NRG1: variants seen among roughly 807,000 people sequenced by gnomAD.
NRG1 encodes the protein pro-neuregulin-1, membrane-bound isoform.
Under a neutral mutation model 63.8 loss-of-function variants are expected in NRG1, and 18 were observed. The ratio of observed to expected loss-of-function variants is 0.28; its 90% CI spans 0.19 to 0.42. The LOEUF is 0.42. Among genes scored for constraint, NRG1 ranks in the 10% least tolerant of loss-of-function variants. The probability of loss-of-function intolerance (pLI) is 1.00; values close to 1 mark genes in which losing one functional copy is unlikely to be tolerated. For synonymous variants in NRG1, 302 were observed against 301.3 expected (o/e 1.00, Z -0.02); for missense variants, 762 against 814.7 (o/e 0.94, Z 0.79).
chr8:32,521,988 G>A (rs1418697634), intron 1 of NRG1, among the ~76,000 whole-genome samples: 2 of 152,174 alleles, frequency 1.3e-5, no homozygotes, highest in Admixed American at 6.5e-5. Flanking sequence ...GATGAGTATA[G>A]TGGTTACTTG....
intron 1 of NRG1, among the ~76,000 whole-genome samples, chr8:31,874,275 TAGTC>T (rs1346205722): frequency 2.0e-5 from 3 of 152,222 alleles, no homozygotes; most frequent in African/African-American, 7.2e-5. Context: ...AGAGACTTAA[TAGTC>T]AGTTGGCAAG....
chr8:32,475,315 A>AT (rs1189955530), intron 1 of NRG1, among the ~76,000 whole-genome samples: 1 of 151,774 alleles, frequency 6.6e-6, no homozygotes, highest in Non-Finnish European at 1.5e-5. Flanking sequence ...AAATACAAAA[A>AT]TTAGCTGGGT....
At chr8:31,672,093 G>A (rs1320883271) in intron 1 of NRG1, among the ~76,000 whole-genome samples, 1 of 152,118 alleles carries the variant, frequency 6.6e-6, no homozygotes, top group African/African-American at 2.4e-5. Flanking sequence ...TCAGTTGTCA[G>A]TGTGAGAAAT....
At chr8:32,309,213 G>A (rs775459763) in intron 1 of NRG1, among the ~76,000 whole-genome samples, 18 of 152,136 alleles carry the variant, frequency 1.2e-4, no homozygotes, top group South Asian at 4.1e-4. Context: ...TTACCAGGGC[G>A]AGAAAATAGC....
At position 32,245,128 on chromosome 8, in the gene NRG1, C is replaced by A. The variant is rs371361231; in HGVS notation, c.38-350700C>A. On this transcript the variant is annotated intron_variant, in intron 1 of 10. Transcript: ENST00000519301. ...TTTGTGCAGGGAAAAGTCTGGCCTG[C>A]GTGTAATCTGCTGCAGTGGTGAGTT... 1.4e-4 allele frequency among the ~76,000 whole-genome samples: 22 copies of A among 152,190 alleles called. No homozygotes were observed. In the South Asian group the frequency reaches 1.9e-3, roughly 13 times the overall value.
chr8:32,354,557 C>A (rs1162387920), intron 1 of NRG1, among the ~76,000 whole-genome samples: 1 of 151,748 alleles, frequency 6.6e-6, no homozygotes, highest in Non-Finnish European at 1.5e-5. Flanking sequence ...TGATGGCTTA[C>A]CAGGTATCTA....
At chr8:32,673,462 T>C (rs1201958940) in intron 5 of NRG1, among the ~76,000 whole-genome samples, 1 of 152,172 alleles carries the variant, frequency 6.6e-6, no homozygotes, top group Admixed American at 6.5e-5. Flanking sequence ...AATACAGTAA[T>C]TAAAATACAG....
intron 1 of NRG1, among the ~76,000 whole-genome samples, chr8:32,124,343 C>T (rs780326099): frequency 6.6e-6 from 1 of 151,760 alleles, no homozygotes; most frequent in Non-Finnish European, 1.5e-5. Flanking sequence ...TTGATTCTCT[C>T]ATAGAAGATT....
chr8:32,366,852 A>G (rs1808126317), intron 1 of NRG1, among the ~76,000 whole-genome samples: 1 of 151,372 alleles, frequency 6.6e-6, no homozygotes, highest in African/African-American at 2.4e-5. Context: ...CTGGGACTAC[A>G]GTCATGTGCC....
intron 1 of NRG1, among the ~76,000 whole-genome samples, chr8:32,078,331 A>G (rs1479348934): frequency 2.0e-5 from 3 of 152,044 alleles, no homozygotes; most frequent in African/African-American, 7.2e-5. Flanking sequence ...TTCCTCCTTC[A>G]CCTTCCAGCA....
At chr8:31,874,441 CATGGTAGGTGTAT>C (rs1280618564) in intron 1 of NRG1, among the ~76,000 whole-genome samples, 2 of 151,996 alleles carry the variant, frequency 1.3e-5, no homozygotes, top group African/African-American at 4.8e-5. Context: ...GTTTTGGGTA[CATGGTAGGTGTAT>C]ATAGCCAAAA....
At chr8:32,313,217 C>T (rs1456120879) in intron 1 of NRG1, among the ~76,000 whole-genome samples, 1 of 152,134 alleles carries the variant, frequency 6.6e-6, no homozygotes, top group Non-Finnish European at 1.5e-5. Context: ...GACTTAAGTT[C>T]TAAGAGTTGA....
At chr8:32,258,384 G>T (rs1849979606) in intron 1 of NRG1, among the ~76,000 whole-genome samples, 1 of 152,254 alleles carries the variant, frequency 6.6e-6, no homozygotes, top group South Asian at 2.1e-4. Flanking sequence ...TTGCTTCTAA[G>T]AACTCATTTA....
chr8:32,728,336 A>G, intron 6 of NRG1: 1 of 982,942 alleles, frequency 1.0e-6, no homozygotes, highest in Admixed American at 6.1e-5. Flanking sequence ...TGTTATTTAT[A>G]GTGTTGCTTT....
chr8:32,465,825 T>TACA (rs775263005), intron 1 of NRG1, among the ~76,000 whole-genome samples: 11 of 152,320 alleles, frequency 7.2e-5, no homozygotes, highest in Middle Eastern at 3.4e-3. Context: ...TTTACAGTCA[T>TACA]GTAATCATGG....
At chr8:32,202,106 G>T (rs1443873989) in intron 1 of NRG1, among the ~76,000 whole-genome samples, 2 of 152,114 alleles carry the variant, frequency 1.3e-5, no homozygotes. Flanking sequence ...AAAAGTGGAT[G>T]CTTCCACCAG....
At chr8:32,093,105 G>GT (rs967420546) in intron 1 of NRG1, among the ~76,000 whole-genome samples, 1 of 152,322 alleles carries the variant, frequency 6.6e-6, no homozygotes, top group Non-Finnish European at 1.5e-5. Context: ...AGAAGTAGAC[G>GT]TGAGAGACTC....
At chr8:32,040,736 A>C (rs1490896900) in intron 1 of NRG1, among the ~76,000 whole-genome samples, 2 of 30,678 alleles carry the variant, frequency 6.5e-5, no homozygotes, top group African/African-American at 8.9e-5. Context: ...ATATATATAT[A>C]TGAAATTTAG....
intron 1 of NRG1, among the ~76,000 whole-genome samples, chr8:31,834,330 C>CACACAT (rs34893626): frequency 0.043 from 6,530 of 151,434 alleles, 334 homozygotes; most frequent in African/African-American, 0.13. Context: ...CACACACACA[C>CACACAT]GCACACCAAT....
Sources: gnomAD v4.1 joint callset for allele counts (sites outside exome capture counted in the v4.1 genomes callset) on GRCh38, gnomAD v4.1.1 for gene constraint, MANE v1.5 for transcripts, NCBI Gene and HGNC (gene_info 2026-07-23, HGNC 2026-07-21) for gene names.